ARHGAP24: variants seen among roughly 807,000 people sequenced by gnomAD.
ARHGAP24 encodes rho GTPase-activating protein 24.
In ARHGAP24, 50 loss-of-function variants were observed where a neutral mutation model predicts 76.4. The observed-to-expected ratio is 0.65, with a 90% CI of 0.52 to 0.83. ARHGAP24 has a LOEUF of 0.83. ARHGAP24 is among the 40% of genes least tolerant of loss of function. The pLI is 0.00. For synonymous variants in ARHGAP24, 345 were observed against 323.3 expected, an observed-to-expected ratio of 1.07 and a Z score of -0.72; for missense variants, 930 against 914.2, an observed-to-expected ratio of 1.02 and a Z score of -0.22.
At chr4:85,725,143 GA>G (rs5859997) in intron 3 of ARHGAP24, among the ~76,000 whole-genome samples, 22,921 of 151,870 alleles carry the variant, frequency 0.15, 2,384 homozygotes, top group East Asian at 0.55. Flanking sequence ...GTTTCTCAGA[GA>G]AAAAAATAAA....
chr4:85,884,228 G>T (rs1275820627), intron 3 of ARHGAP24, among the ~76,000 whole-genome samples: 6 of 152,094 alleles, frequency 3.9e-5, no homozygotes, highest in South Asian at 4.1e-4. Context: ...TTGCTCTAAG[G>T]TTCTCCAACA....
At chr4:85,497,744 C>T (rs1723635496) in intron 1 of ARHGAP24, among the ~76,000 whole-genome samples, 1 of 152,074 alleles carries the variant, frequency 6.6e-6, no homozygotes, top group Admixed American at 6.6e-5. Flanking sequence ...TGCTTGAACC[C>T]AGGAGGTGGA....
At chr4:85,959,168 G>A (rs979649071) in intron 5 of ARHGAP24, among the ~76,000 whole-genome samples, 24 of 152,172 alleles carry the variant, frequency 1.6e-4, no homozygotes, top group African/African-American at 5.8e-4. Flanking sequence ...AACAAGCGAT[G>A]GATTATTCAT....
chr4:85,775,219 T>A (rs956720072), intron 3 of ARHGAP24, among the ~76,000 whole-genome samples: 2 of 151,946 alleles, frequency 1.3e-5, no homozygotes, highest in African/African-American at 4.8e-5. Flanking sequence ...TCTGAGGAGG[T>A]GGCATTTGGT....
intron 5 of ARHGAP24, among the ~76,000 whole-genome samples, chr4:85,950,476 C>T (rs568834209): frequency 2.0e-5 from 3 of 151,742 alleles, no homozygotes; most frequent in Non-Finnish European, 2.9e-5. Flanking sequence ...ACTTCAGCCT[C>T]GGTGGCAGAG....
At chr4:85,922,192 T>A (rs1735756589) in intron 3 of ARHGAP24, among the ~76,000 whole-genome samples, 1 of 152,230 alleles carries the variant, frequency 6.6e-6, no homozygotes, top group Admixed American at 6.5e-5. Flanking sequence ...TACTAGTTGT[T>A]CAACTGGTTG....
chr4:85,801,919 T>C (rs182843538), intron 3 of ARHGAP24, among the ~76,000 whole-genome samples: 39 of 152,356 alleles, frequency 2.6e-4, no homozygotes, highest in African/African-American at 9.4e-4. Context: ...CTGGATTACT[T>C]TCATCAATAA....
chr4:85,869,164 A>T (rs1732383025), intron 3 of ARHGAP24, among the ~76,000 whole-genome samples: 1 of 152,102 alleles, frequency 6.6e-6, no homozygotes, highest in Non-Finnish European at 1.5e-5. Context: ...CTTGCCCATA[A>T]TGTTGAAAAT....
intron 2 of ARHGAP24, among the ~76,000 whole-genome samples, chr4:85,710,554 G>T (rs1724488692): frequency 6.6e-6 from 1 of 152,110 alleles, no homozygotes; most frequent in Non-Finnish European, 1.5e-5. Flanking sequence ...AGCAAAATTT[G>T]CATACTATGC....
intron 3 of ARHGAP24, among the ~76,000 whole-genome samples, chr4:85,828,673 A>G (rs941440828): frequency 1.3e-5 from 2 of 152,346 alleles, no homozygotes; most frequent in East Asian, 1.9e-4. Context: ...TACAACTGCT[A>G]TGTAAGCTTG....
At chr4:85,874,720 A>G (rs1349742165) in intron 3 of ARHGAP24, among the ~76,000 whole-genome samples, 2 of 145,670 alleles carry the variant, frequency 1.4e-5, no homozygotes, top group African/African-American at 5.0e-5. Flanking sequence ...GTATTTGTGA[A>G]TAATAGAAAA....
At chr4:85,712,091 C>G (rs1179920428) in intron 2 of ARHGAP24, among the ~76,000 whole-genome samples, 2 of 152,174 alleles carry the variant, frequency 1.3e-5, no homozygotes, top group Non-Finnish European at 2.9e-5. Flanking sequence ...CTGAACAGTT[C>G]ACATTTCTTT....
chr4:85,644,585 A>G (rs1271224397), intron 2 of ARHGAP24, among the ~76,000 whole-genome samples: 1 of 152,156 alleles, frequency 6.6e-6, no homozygotes, highest in African/African-American at 2.4e-5. Flanking sequence ...AAACTGATGG[A>G]ATATATCATG....
intron 3 of ARHGAP24, among the ~76,000 whole-genome samples, chr4:85,747,480 G>A (rs1378178746): frequency 6.6e-6 from 1 of 152,198 alleles, no homozygotes; most frequent in Non-Finnish European, 1.5e-5. Flanking sequence ...GAGGTGGGCG[G>A]ATCACGAGGT....
chr4:85,869,742 T>C (rs1471046118), intron 3 of ARHGAP24, among the ~76,000 whole-genome samples: 4 of 152,214 alleles, frequency 2.6e-5, no homozygotes, highest in Non-Finnish European at 5.9e-5. Context: ...CTGATTATAT[T>C]GAACATGTGT....
rs543905097 is a variant in ARHGAP24, at chr4:85,610,249, C to T, written c.180+39528C>T. ...ACGAGGTCAGGAGATTGAGACCATC[C>T]TGGCTAACACGGTGAAACCTTGTCT... On this transcript the variant is annotated intron_variant, in intron 2 of 9. Transcript: ENST00000395184. Among the ~76,000 whole-genome samples, 92 of 151,992 alleles carry T rather than the reference C, an allele frequency of 6.1e-4. 1 individual carries two copies. Among genetic ancestry groups the T allele is most frequent in the Middle Eastern group, 6.8e-3 (2 of 294 alleles).
chr4:85,605,088 G>A (rs1167333342), intron 2 of ARHGAP24, among the ~76,000 whole-genome samples: 1 of 152,104 alleles, frequency 6.6e-6, no homozygotes, highest in Non-Finnish European at 1.5e-5. Context: ...TAGAGAGAAT[G>A]TATTCACTCT....
intron 3 of ARHGAP24, among the ~76,000 whole-genome samples, chr4:85,879,851 T>C (rs1419435546): frequency 6.6e-6 from 1 of 152,142 alleles, no homozygotes; most frequent in Non-Finnish European, 1.5e-5. Context: ...TTTCATAGAT[T>C]GCAGGGAGAG....
chr4:85,683,105 T>TGGGGGGG (rs1723269220), intron 2 of ARHGAP24, among the ~76,000 whole-genome samples: 1 of 13,196 alleles, frequency 7.6e-5, no homozygotes, highest in Non-Finnish European at 1.3e-4. Flanking sequence ...ACTCTCTCAG[T>TGGGGGGG]GTGTGGGGGG....
Sources: gnomAD v4.1 joint callset for allele counts (sites outside exome capture counted in the v4.1 genomes callset) on GRCh38, gnomAD v4.1.1 for gene constraint, MANE v1.5 for transcripts, NCBI Gene and HGNC (gene_info 2026-07-23, HGNC 2026-07-21) for gene names.